Variants in SCNN1D observed in about 807,000 individuals in gnomAD.
The protein encoded by SCNN1D is sodium channel epithelial 1 subunit delta.
A neutral mutation model predicts 87.8 loss-of-function variants in SCNN1D; 104 were observed. The observed-to-expected ratio is 1.18, with a 90% confidence interval of 1.01 to 1.39. The LOEUF is 1.39. Ranked by LOEUF, SCNN1D falls within the 40% of genes most tolerant of loss-of-function variation. The pLI, the probability that SCNN1D is intolerant of heterozygous loss-of-function variation, is 0.00. For synonymous variants in SCNN1D, 628 were observed against 481.2 expected (o/e 1.31, Z -3.99); for missense variants, 1,324 against 1,093.9 (o/e 1.21, Z -2.97).
At position 1,287,279 on chromosome 1, in the gene SCNN1D, T is replaced by C. The variant is rs1386816987; in HGVS notation, c.1290T>C (p.Asp430=). The C allele has an allele frequency of 5.0e-6, 8 of 1,599,610 alleles. No individual in the cohort carries two copies. Among genetic ancestry groups the C allele is most frequent in the African/African-American group, 1.3e-5 (1 of 74,718 alleles). ...ACTTCGTCCTCTCCTGCAGTTACGA[T>C]GGCCTGGACTGCCAGGCCCGGTGAG... The part of the protein sequence containing the change: ...DGHFVLSCSY[D]GLDCQARQFR... Residue 430 remains aspartate (D), a synonymous_variant, in exon 9 of 18, where the codon GAT becomes GAC. Transcript: ENST00000379116.
chr1:1,291,064 G>T lies in SCNN1D; in HGVS notation c.1977-1G>T, dbSNP rs1640796289. ...GCCCTCATGCCTCTATCCTGCCCCA[G>T]GAGCAGCCTGGCCAAAATCAACATC... On this transcript the variant is annotated splice_acceptor_variant, in intron 16 of 17. Transcript: ENST00000379116. LOFTEE classifies it high-confidence loss of function. 6.2e-7 allele frequency: 1 copy of T among 1,611,502 alleles called. No individual in the cohort carries two copies. Among genetic ancestry groups the T allele is most frequent in the Admixed American group, 1.7e-5 (1 of 59,874 alleles).
chr1:1,287,331 G>A (rs988377014), intron 9 of SCNN1D, 32 bp downstream of exon 9: 13 of 1,539,214 alleles, frequency 8.4e-6, no homozygotes, highest in Middle Eastern at 1.8e-4. Flanking sequence ...CACTCCTTCC[G>A]TCCCACCCCA....
intron 1 of SCNN1D, 101 bp downstream of exon 1, chr1:1,280,767 T>C: frequency 1.5e-6 from 1 of 655,544 alleles, no homozygotes; most frequent in Non-Finnish European, 2.8e-6. Flanking sequence ...AGTTCAGGGC[T>C]TATAATTTTA....
chr1:1,291,137 C>T lies in SCNN1D; in HGVS notation c.2049C>T (p.Tyr683=), dbSNP rs756423103. The change falls in exon 17 of 18, where the codon TAC becomes TAT. Residue 683 remains tyrosine (Y), a synonymous_variant. Coordinates refer to ENST00000379116, the MANE Select transcript of SCNN1D (RefSeq NM_001130413.4). ...GCTCAGTGGAGGAGGCGCCCGTGTA[C>T]TCGGTGAGCCTTGGCCCCCTGCCTG... ...NYRSVEEAPV[Y]SVPQLLSAMG... 1.2e-6 allele frequency: 2 copies of T among 1,611,568 alleles called. No homozygotes were observed. Among genetic ancestry groups the T allele is most frequent in the East Asian group, 2.2e-5 (1 of 44,854 alleles).
chr1:1,284,274 G>T (rs1449828006), intron 5 of SCNN1D, among the ~76,000 whole-genome samples, 184 bp downstream of exon 5: 3 of 103,350 alleles, frequency 2.9e-5, no homozygotes, highest in African/African-American at 1.2e-4. Context: ...GGGGTTGGGG[G>T]GACCCGCCTC....
intron 5 of SCNN1D, among the ~76,000 whole-genome samples, chr1:1,284,318 G>A (rs1640539116): frequency 8.4e-6 from 1 of 119,540 alleles, no homozygotes; most frequent in South Asian, 3.5e-4. Context: ...TGGGGGGTAG[G>A]GGTGGGGGGG....
chr1:1,281,351 G>C (rs1640466660), intron 2 of SCNN1D, 54 bp downstream of exon 2: 1 of 1,534,766 alleles, frequency 6.5e-7, no homozygotes, highest in Non-Finnish European at 8.7e-7. Flanking sequence ...TCCTGGGAGA[G>C]AGCAGAGGCA....
At position 1,291,458 on chromosome 1, in the gene SCNN1D, A is replaced by G; in HGVS notation, c.2257A>G (p.Ser753Gly). ...GGCGTCCAGCATCAAGCCAGAGGCC[A>G]GTCAGATGCCCCCGCCTGCAGGCGG... ...SGASSIKPEA[S>G]QMPPPAGGTS... is the part of the protein sequence containing the mutation. The change falls in exon 18 of 18, where the codon AGT (serine) becomes GGT (glycine). Residue 753 changes from serine (S) to glycine (G), a missense_variant. Physicochemically the swap from Ser to Gly is moderately conservative, Grantham distance 56. Transcript: ENST00000379116. 6.2e-7 allele frequency: 1 copy of G among 1,608,450 alleles called. No homozygotes were observed. The highest frequency in any genetic ancestry group is 8.5e-7 in the Non-Finnish European group (1 of 1,177,392).
rs1570613117 is a variant in SCNN1D at position 1,290,377 on chromosome 1, A to C, written c.1769A>C (p.His590Pro). 6.2e-7 allele frequency: 1 copy of C among 1,602,052 alleles called. No individual in the cohort carries two copies. The highest frequency in any genetic ancestry group is 8.5e-7 in the Non-Finnish European group (1 of 1,173,072). The change falls in exon 13 of 18, where the codon CAC becomes CCC. Residue 590 changes from histidine (H) to proline (P), a missense_variant. His to Pro is a moderately conservative substitution (Grantham distance 77, BLOSUM62 -2). Transcript: ENST00000379116. ...GCTGAGTACTGCAGCTCTGCCCGGC[A>C]CCCTGCCTGGGGTGAGTCCTGCTCG... ...AGAEYCSSAR[H>P]PAWGHCFYRL...
chr1:1,287,881 C>T (rs1640637487), intron 11 of SCNN1D, 45 bp downstream of exon 11: 12 of 1,516,894 alleles, frequency 7.9e-6, no homozygotes, highest in Admixed American at 2.0e-5. Context: ...GCCTCCTGCC[C>T]AACCTGGGCT....
Position 1,291,168 on chromosome 1 carries a change from G to C in SCNN1D, c.2052+28G>C, listed in dbSNP as rs1362550660. ...GAGCCTTGGCCCCCTGCCTGGGCTA[G>C]AGCGGGGGCAGCGACAGTGGCTGGC... is the stretch of plus-strand genomic sequence containing the variant. On this transcript the variant is annotated intron_variant, in intron 17 of 17. Coordinates refer to ENST00000379116, the MANE Select transcript of SCNN1D (RefSeq NM_001130413.4). The C allele has an allele frequency of 3.7e-6, 6 of 1,606,576 alleles. No individual in the cohort carries two copies. In the East Asian group the frequency reaches 6.7e-5, roughly 18 times the overall value.
intron 5 of SCNN1D, among the ~76,000 whole-genome samples, chr1:1,284,985 A>G (rs1253051303): frequency 6.6e-6 from 1 of 152,132 alleles, no homozygotes; most frequent in African/African-American, 2.4e-5. Context: ...CCAGGTGGAG[A>G]CGAGGAGTGG....
At position 1,291,119 on chromosome 1, in the gene SCNN1D, G is replaced by A; in HGVS notation, c.2031G>A (p.Val677=). The change falls in exon 17 of 18, where the codon GTG becomes GTA. Residue 677 remains valine (V), a synonymous_variant. Coordinates refer to ENST00000379116, the MANE Select transcript of SCNN1D (RefSeq NM_001130413.4). ...ACCAGGAGCTCAACTACCGCTCAGTGGAGGAGGCGCCCGTGTACTCGGTGA... is the reference window on the plus strand; with the variant it reads ...ACCAGGAGCTCAACTACCGCTCAGTAGAGGAGGCGCCCGTGTACTCGGTGA... The part of the protein sequence containing the change: ...IVYQELNYRS[V]EEAPVYSVPQ... The A allele has an allele frequency of 6.2e-7, 1 of 1,612,190 alleles. No individual in the cohort carries two copies. The highest frequency in any genetic ancestry group is 8.5e-7 in the Non-Finnish European group (1 of 1,179,750).
intron 1 of SCNN1D, 90 bp from the exon 2 acceptor site, chr1:1,281,136 G>A: frequency 1.6e-6 from 2 of 1,230,894 alleles, no homozygotes; most frequent in Non-Finnish European, 2.3e-6. Flanking sequence ...ACCCTGAGTG[G>A]GGGACGCTCA....
Position 1,290,651 on chromosome 1 carries a change from A to T in SCNN1D, c.1874A>T (p.Lys625Met), listed in dbSNP as rs61766185. The T allele has an allele frequency of 1.2e-6, 2 of 1,612,488 alleles. No homozygotes were observed. The highest frequency in any genetic ancestry group is 1.7e-5 in the Admixed American group (1 of 59,998). ...CPRPCRESAF[K>M]LSTGTSRWPS... ...GTCTCTTCCAGGGAGTCTGCATTCA[A>T]GCTCTCCACTGGGACCTCCAGGTGG... Residue 625 changes from lysine (K) to methionine (M), a missense_variant, in exon 15 of 18, where the codon AAG becomes ATG. Transcript: ENST00000379116.
chr1:1,281,266 C>T lies in SCNN1D; in HGVS notation c.46C>T (p.Leu16=). ...SQKTTPLPRY[L]WPGHLSGPRR... The stretch of plus-strand genomic sequence containing the variant: ...GAAGACAACACCGCTCCCTCGTTAC[C>T]TGTGGCCCGGCCACCTCAGCGGCCC... The change falls in exon 2 of 18, where the codon CTG becomes TTG. Residue 16 remains leucine (L), a synonymous_variant. Coordinates refer to ENST00000379116, the MANE Select transcript of SCNN1D (RefSeq NM_001130413.4). The T allele has an allele frequency of 2.0e-6, 3 of 1,535,818 alleles. No homozygotes were observed. The highest frequency in any genetic ancestry group is 2.6e-6 in the Non-Finnish European group (3 of 1,146,826).
In SCNN1D at chr1:1,290,886, C is replaced by G. The variant is rs960489461; in HGVS notation, c.1918-9C>G. On this transcript the variant is annotated splice_polypyrimidine_tract_variant and intron_variant, in intron 15 of 17. Transcript: ENST00000379116. ...GGAGCCGTGGCCACAGCAAACCTTC[C>G]GTCTGCAGGGATGGACTCTGGCCAC... 6.2e-7 allele frequency: 1 copy of G among 1,609,488 alleles called. No individual in the cohort carries two copies. The highest frequency in any genetic ancestry group is 1.3e-5 in the African/African-American group (1 of 74,848).
intron 17 of SCNN1D, 48 bp from the exon 18 acceptor site, chr1:1,291,206 G>T: frequency 6.3e-7 from 1 of 1,580,028 alleles, no homozygotes. Flanking sequence ...TGCACAGAAG[G>T]GGCACGGGGG....
rs373923201 is a variant in SCNN1D at position 1,281,901 on chromosome 1, C to T, written c.277+291C>T. ...CTGTCTGCCAGGCCACTCCCGGGGA[C>T]ACAGGGAGGCACAGGCTGCTTCCAG... On this transcript the variant is annotated intron_variant, in intron 3 of 17. Transcript: ENST00000379116. 4.2e-4 allele frequency: 238 copies of T among 565,094 alleles called. 1 individual carries two copies. The highest frequency in any genetic ancestry group is 4.0e-3 in the African/African-American group (212 of 53,054). The allele number at this position is 565,094 out of a possible 1,614,324, so 35.0% of individuals were successfully genotyped here.
Sources: gnomAD v4.1 joint callset for allele counts (sites outside exome capture counted in the v4.1 genomes callset) on GRCh38, gnomAD v4.1.1 for gene constraint, MANE v1.5 for transcripts, NCBI Gene and HGNC (gene_info 2026-07-23, HGNC 2026-07-21) for gene names.